LRRC4C: variants seen among roughly 807,000 people sequenced by gnomAD.
The protein encoded by LRRC4C is leucine-rich repeat-containing protein 4C.
A neutral mutation model predicts 33.6 loss-of-function variants in LRRC4C; 5 were observed. That is an observed-to-expected ratio of 0.15 (90% CI 0.08 to 0.31). The LOEUF (loss-of-function observed/expected upper bound fraction) is 0.31, where lower values mean the gene tolerates loss of function less well. Ranked by LOEUF, LRRC4C falls within the 10% of genes least tolerant of loss-of-function variation. LRRC4C has a pLI of 1.00. For synonymous variants in LRRC4C, 329 were observed against 302.0 expected, an observed-to-expected ratio of 1.09 and a Z score of -0.93; for missense variants, 560 against 796.7, an observed-to-expected ratio of 0.70 and a Z score of 3.58.
At chr11:41,118,269 G>A (rs1755730033) in intron 1 of LRRC4C, among the ~76,000 whole-genome samples, 1 of 152,092 alleles carries the variant, frequency 6.6e-6, no homozygotes, top group South Asian at 2.1e-4. Flanking sequence ...GTGGAGCTTG[G>A]CTTCCCTCTT....
chr11:40,589,484 G>A (rs1253258034), intron 3 of LRRC4C, among the ~76,000 whole-genome samples: 1 of 151,066 alleles, frequency 6.6e-6, no homozygotes, highest in Non-Finnish European at 1.5e-5. Flanking sequence ...TACATTTAAA[G>A]TTAATATTGT....
intron 6 of LRRC4C, among the ~76,000 whole-genome samples, chr11:40,118,714 G>A (rs1192532218): frequency 6.6e-6 from 1 of 152,116 alleles, no homozygotes; most frequent in Admixed American, 6.6e-5. Context: ...GAGAATGGAA[G>A]GCCTGAGGAC....
intron 1 of LRRC4C, among the ~76,000 whole-genome samples, chr11:41,109,235 T>C (rs1941686472): frequency 6.6e-6 from 1 of 152,004 alleles, no homozygotes; most frequent in African/African-American, 2.4e-5. Context: ...TTGATTATGT[T>C]AGGAAAGGTG....
intron 3 of LRRC4C, among the ~76,000 whole-genome samples, chr11:40,558,842 C>A (rs1957431896): frequency 1.3e-5 from 2 of 152,038 alleles, no homozygotes; most frequent in South Asian, 4.1e-4. Flanking sequence ...TTTTTTTCTG[C>A]TCCTCTCCCT....
intron 5 of LRRC4C, among the ~76,000 whole-genome samples, chr11:40,186,994 A>G (rs1384614383): frequency 5.3e-5 from 8 of 152,318 alleles, no homozygotes; most frequent in Middle Eastern, 3.4e-3. Flanking sequence ...AACTGCTGCC[A>G]CTGACACATT....
chr11:41,219,696 G>A (rs994998970), intron 1 of LRRC4C, among the ~76,000 whole-genome samples: 2 of 152,162 alleles, frequency 1.3e-5, no homozygotes, highest in East Asian at 1.9e-4. Flanking sequence ...AAAATCACCC[G>A]GTGTTGACCT....
intron 3 of LRRC4C, among the ~76,000 whole-genome samples, chr11:40,486,937 CTCTT>C (rs566835461): frequency 2.0e-5 from 3 of 152,054 alleles, no homozygotes; most frequent in Non-Finnish European, 4.4e-5. Flanking sequence ...CCAATATTCA[CTCTT>C]TCAATCTTTT....
At chr11:40,168,877 G>A (rs60066392) in intron 5 of LRRC4C, among the ~76,000 whole-genome samples, 2,902 of 152,178 alleles carry the variant, frequency 0.019, 91 homozygotes, top group African/African-American at 0.066. Context: ...TCAAATCAGT[G>A]CTGCCCCAAC....
chr11:40,327,154 A>C (rs1042155248), intron 3 of LRRC4C, among the ~76,000 whole-genome samples: 1 of 152,176 alleles, frequency 6.6e-6, no homozygotes, highest in African/African-American at 2.4e-5. Flanking sequence ...CGCTAACTGG[A>C]GCCTCTCTCA....
chr11:41,421,359 G>A (rs1954867595), intron 1 of LRRC4C, among the ~76,000 whole-genome samples: 1 of 151,984 alleles, frequency 6.6e-6, no homozygotes, highest in Non-Finnish European at 1.5e-5. Context: ...TGGTAATTTT[G>A]CTACCAATTC....
chr11:40,301,091 T>C (rs1446024466), intron 4 of LRRC4C, among the ~76,000 whole-genome samples: 7 of 152,180 alleles, frequency 4.6e-5, no homozygotes, highest in Non-Finnish European at 7.3e-5. Context: ...AGGAAGGGCA[T>C]TGGCGAAGGG....
At chr11:41,317,378 C>T (rs1950827975) in intron 1 of LRRC4C, among the ~76,000 whole-genome samples, 1 of 151,984 alleles carries the variant, frequency 6.6e-6, no homozygotes, top group South Asian at 2.1e-4. Context: ...GAGTTTCTTT[C>T]CCTTCTTTTC....
At chr11:41,165,412 T>G (rs775240614) in intron 1 of LRRC4C, among the ~76,000 whole-genome samples, 2 of 152,082 alleles carry the variant, frequency 1.3e-5, no homozygotes, top group African/African-American at 2.4e-5. Flanking sequence ...ACTCAAATGT[T>G]TGGGTAGATA....
At chr11:40,171,877 C>G (rs1271919944) in intron 5 of LRRC4C, among the ~76,000 whole-genome samples, 2 of 152,046 alleles carry the variant, frequency 1.3e-5, no homozygotes, top group Non-Finnish European at 2.9e-5. Context: ...ATGATCATTC[C>G]TCTTATGAAT....
At chr11:40,785,055 T>C (rs1249371189) in intron 2 of LRRC4C, among the ~76,000 whole-genome samples, 2 of 152,198 alleles carry the variant, frequency 1.3e-5, no homozygotes, top group Admixed American at 1.3e-4. Flanking sequence ...ATTGCAATGA[T>C]AATGTATGTG....
At chr11:40,987,944 T>G (rs1853192888) in intron 1 of LRRC4C, among the ~76,000 whole-genome samples, 1 of 152,054 alleles carries the variant, frequency 6.6e-6, no homozygotes, top group Non-Finnish European at 1.5e-5. Context: ...CCAATGCCTC[T>G]GACTCCTTGT....
chr11:41,143,181 A>G (rs1943584575), intron 1 of LRRC4C, among the ~76,000 whole-genome samples: 1 of 151,742 alleles, frequency 6.6e-6, no homozygotes, highest in South Asian at 2.1e-4. Flanking sequence ...AGTTTCAGTG[A>G]CTCCAGTACT....
chr11:40,467,553 CTATTG>C (rs1217985177), intron 3 of LRRC4C, among the ~76,000 whole-genome samples: 4 of 152,122 alleles, frequency 2.6e-5, no homozygotes, highest in African/African-American at 9.7e-5. Context: ...GACACCAACT[CTATTG>C]TATCCTCTTT....
chr11:41,329,447 T>C (rs1307319586), intron 1 of LRRC4C, among the ~76,000 whole-genome samples: 1 of 152,234 alleles, frequency 6.6e-6, no homozygotes, highest in Non-Finnish European at 1.5e-5. Context: ...TAGTACCAGA[T>C]TTGATTAATG....
Sources: gnomAD v4.1 joint callset for allele counts (sites outside exome capture counted in the v4.1 genomes callset) on GRCh38, gnomAD v4.1.1 for gene constraint, MANE v1.5 for transcripts, NCBI Gene and HGNC (gene_info 2026-07-23, HGNC 2026-07-21) for gene names.